ZDHHC17: variants seen among roughly 807,000 people sequenced by gnomAD.
The protein encoded by ZDHHC17 is zDHHC palmitoyltransferase 17, also known as palmitoyltransferase ZDHHC17.
ZDHHC17 carries 40 observed loss-of-function variants against 90.3 expected under a neutral mutation model. The observed-to-expected ratio is 0.44, with a 90% confidence interval of 0.34 to 0.58. The LOEUF (loss-of-function observed/expected upper bound fraction) is 0.58, where lower values mean the gene tolerates loss of function less well. Ranked by LOEUF, ZDHHC17 falls within the 20% of genes least tolerant of loss-of-function variation. ZDHHC17 has a pLI of 0.01. For missense variants in ZDHHC17, 614 were observed against 780.8 expected (o/e 0.79, Z 2.55); for synonymous variants, 235 against 252.4 (o/e 0.93, Z 0.65).
intron 1 of ZDHHC17, chr12:76,764,819 C>T (rs1952412980): frequency 4.4e-6 from 2 of 456,666 alleles, no homozygotes; most frequent in Non-Finnish European, 8.8e-6. Context: ...CCAGGTAATG[C>T]CATGGGTAGC....
intron 3 of ZDHHC17, among the ~76,000 whole-genome samples, chr12:76,806,668 C>T (rs1771259315): frequency 6.6e-6 from 1 of 152,150 alleles, no homozygotes; most frequent in South Asian, 2.1e-4. Flanking sequence ...AGCCACTGTG[C>T]CTGGCCCGAA....
chr12:76,768,266 T>C (rs1487665061), intron 1 of ZDHHC17, among the ~76,000 whole-genome samples: 2 of 152,204 alleles, frequency 1.3e-5, no homozygotes, highest in Non-Finnish European at 2.9e-5. Flanking sequence ...GGGATTAGGG[T>C]ACTAGTTCTA....
Position 76,851,039 on chromosome 12 carries a change from G to A in ZDHHC17, c.*54G>A. On this transcript the variant is annotated 3_prime_UTR_variant, in exon 17 of 17. Coordinates refer to ENST00000426126, the MANE Select transcript of ZDHHC17 (RefSeq NM_015336.4). The stretch of plus-strand genomic sequence containing the variant: ...TGAGTGGTGCCTGAAAATTGTGTCT[G>A]TCCGTGTCTTTCTCACACTCGAATC... The A allele has an allele frequency of 6.2e-7, 1 of 1,608,310 alleles. No homozygotes were observed. The highest frequency in any genetic ancestry group is 8.5e-7 in the Non-Finnish European group (1 of 1,177,054).
chr12:76,795,503 T>C lies in ZDHHC17; in HGVS notation c.94-1931T>C, dbSNP rs185563803. Among the ~76,000 whole-genome samples, 549 of 152,238 alleles carry C rather than the reference T, an allele frequency of 3.6e-3. 4 individuals carry two copies. The highest frequency in any genetic ancestry group is 0.011 in the African/African-American group (464 of 41,534). ...CTTTTTCAGGTATCTTACAGCCATATAGATGTCAAAGTTGGAGTTTAAAAA... is the reference window on the plus strand; with the variant it reads ...CTTTTTCAGGTATCTTACAGCCATACAGATGTCAAAGTTGGAGTTTAAAAA... On this transcript the variant is annotated intron_variant, in intron 1 of 16. Transcript: ENST00000426126.
At chr12:76,822,242 C>T (rs1033977863) in intron 7 of ZDHHC17, among the ~76,000 whole-genome samples, 164 bp from the exon 8 acceptor site, 1 of 152,006 alleles carries the variant, frequency 6.6e-6, no homozygotes, top group African/African-American at 2.4e-5. Flanking sequence ...TTTGGGAAAG[C>T]GTAATAAGAA....
Position 76,801,783 on chromosome 12 carries a change from T to C in ZDHHC17, c.198-3534T>C, listed in dbSNP as rs1161518031. ...GCCTCATCTATACGCTTTTTAGTTG[T>C]TGATGTCACAGAACTGCATATGTAT... On this transcript the variant is annotated intron_variant, in intron 2 of 16. Transcript: ENST00000426126. Among the ~76,000 whole-genome samples, 3 of 152,340 alleles carry C rather than the reference T, an allele frequency of 2.0e-5. No individual in the cohort carries two copies. The East Asian group carries it at 5.8e-4, about 29-fold the overall frequency.
chr12:76,802,761 T>G (rs1952906697), intron 2 of ZDHHC17, among the ~76,000 whole-genome samples: 1 of 152,190 alleles, frequency 6.6e-6, no homozygotes, highest in African/African-American at 2.4e-5. Flanking sequence ...TTATTGTACG[T>G]TTTAGTTCTA....
At chr12:76,836,882 C>T (rs1421989013) in intron 10 of ZDHHC17, among the ~76,000 whole-genome samples, 1 of 152,058 alleles carries the variant, frequency 6.6e-6, no homozygotes, top group Non-Finnish European at 1.5e-5. Flanking sequence ...TGAATTGAAC[C>T]TTGTATCAAT....
At chr12:76,770,735 C>G (rs940175297) in intron 1 of ZDHHC17, among the ~76,000 whole-genome samples, 1 of 151,876 alleles carries the variant, frequency 6.6e-6, no homozygotes, top group Non-Finnish European at 1.5e-5. Context: ...GTCGGGAGTT[C>G]GAGACCAGCC....
intron 1 of ZDHHC17, among the ~76,000 whole-genome samples, chr12:76,786,320 C>T (rs754564427): frequency 2.6e-5 from 4 of 151,920 alleles, no homozygotes; most frequent in Non-Finnish European, 5.9e-5. Flanking sequence ...CTTGCTCTGT[C>T]GTCCAGGCTG....
intron 1 of ZDHHC17, among the ~76,000 whole-genome samples, chr12:76,778,914 T>C (rs2137721014): frequency 6.6e-6 from 1 of 152,316 alleles, no homozygotes; most frequent in Admixed American, 6.5e-5. Flanking sequence ...TCTGCTTAGC[T>C]TGCAGATGGC....
intron 10 of ZDHHC17, among the ~76,000 whole-genome samples, chr12:76,830,130 AG>A (rs747614411): frequency 6.6e-6 from 1 of 152,254 alleles, no homozygotes; most frequent in South Asian, 2.1e-4. Context: ...ATTGTAATAA[AG>A]GAACATGTTT....
chr12:76,825,392 A>G (rs1421113574), intron 8 of ZDHHC17, among the ~76,000 whole-genome samples: 4 of 152,194 alleles, frequency 2.6e-5, no homozygotes, highest in East Asian at 1.9e-4. Flanking sequence ...AAATTTTCCT[A>G]ATATAAGAGA....
chr12:76,815,833 GTT>G lies in ZDHHC17; in HGVS notation c.609-11_609-10del, dbSNP rs77238734. The G allele has an allele frequency of 1.7e-3, 1,901 of 1,124,726 alleles. No individual in the cohort carries two copies. The highest frequency in any genetic ancestry group is 5.5e-3 in the South Asian group (287 of 52,144). The allele number at this position is 1,124,726 out of a possible 1,614,324, so 69.7% of individuals were successfully genotyped here. A position where few individuals can be genotyped will look rare whatever the true frequency, so the allele number is the denominator to read the frequency against. On this transcript the variant is annotated intron_variant, in intron 6 of 16. Coordinates refer to ENST00000426126, the MANE Select transcript of ZDHHC17 (RefSeq NM_015336.4). ...GAAATTAGGGTTGTTGTTGTTGTTT[GTT>G]TTTTTTTTTTTTCCTTTTCAGTGTG...
intron 1 of ZDHHC17, among the ~76,000 whole-genome samples, chr12:76,782,471 A>G (rs932413678): frequency 2.0e-5 from 3 of 152,210 alleles, no homozygotes; most frequent in Non-Finnish European, 4.4e-5. Context: ...GGCTTTCACT[A>G]TGTGTCCAGT....
At chr12:76,813,555 A>T (rs541717618) in intron 5 of ZDHHC17, 1 of 268,670 alleles carries the variant, frequency 3.7e-6, no homozygotes, top group African/African-American at 2.3e-5. Context: ...CACATTTGAG[A>T]CATATTCCTA....
At chr12:76,795,674 GAAATTAAATAGAAAAGATTT>G (rs1952811135) in intron 1 of ZDHHC17, among the ~76,000 whole-genome samples, 1 of 152,180 alleles carries the variant, frequency 6.6e-6, no homozygotes, top group South Asian at 2.1e-4. Context: ...ATTCTGTGGA[GAAATTAAATAGAAAAGATTT>G]AAAGAAATTA....
At chr12:76,800,942 C>T (rs1952880537) in intron 2 of ZDHHC17, among the ~76,000 whole-genome samples, 1 of 139,160 alleles carries the variant, frequency 7.2e-6, no homozygotes, top group Non-Finnish European at 1.5e-5. Flanking sequence ...GGCTGGAGTG[C>T]CATGGCGCAA....
chr12:76,803,887 A>G (rs1374177321), intron 2 of ZDHHC17, among the ~76,000 whole-genome samples: 1 of 152,154 alleles, frequency 6.6e-6, no homozygotes, highest in Non-Finnish European at 1.5e-5. Context: ...TATACTTGGG[A>G]TGCCCTCAAA....
Sources: allele counts gnomAD v4.1 joint callset (sites outside exome capture counted in the v4.1 genomes callset), GRCh38; gene constraint gnomAD v4.1.1; transcripts MANE v1.5; gene names NCBI Gene and HGNC (gene_info 2026-07-23, HGNC 2026-07-21).